The following ZMYM1 variants were observed in gnomAD, a reference collection of about 807,000 sequenced individuals.
ZMYM1 encodes zinc finger MYM-type protein 1.
A neutral mutation model predicts 60.0 loss-of-function variants in ZMYM1; 39 were observed. That is an observed-to-expected ratio of 0.65 (90% CI 0.50 to 0.85). The LOEUF is 0.85. ZMYM1 is among the 40% of genes least tolerant of loss of function. The pLI is 0.00. For missense variants in ZMYM1, 1,171 were observed against 1,309.5 expected (o/e 0.89, Z 1.63); for synonymous variants, 413 against 454.0 (o/e 0.91, Z 1.15).
At chr1:35,066,054 A>G (rs1641966638) in intron 1 of ZMYM1, among the ~76,000 whole-genome samples, 1 of 152,202 alleles carries the variant, frequency 6.6e-6, no homozygotes, top group Non-Finnish European at 1.5e-5. Context: ...ATTTTCTAAA[A>G]TAGAAATTTC....
At position 35,079,386 on chromosome 1, in the gene ZMYM1, G is replaced by T. The variant is rs1015350478; in HGVS notation, c.-131G>T. The stretch of plus-strand genomic sequence containing the variant: ...GGAGAGGGGCGGGGTCGGCGGGGCC[G>T]TTTCGCTTCGAAGATTGTTTCAGAA... On this transcript the variant is annotated 5_prime_UTR_variant, in exon 1 of 10. Coordinates refer to ENST00000359858, the MANE Select transcript of ZMYM1 (RefSeq NM_024772.5). 1.3e-5 allele frequency: 2 copies of T among 148,610 alleles called. No individual in the cohort carries two copies. Among genetic ancestry groups the T allele is most frequent in the African/African-American group, 5.0e-5 (2 of 40,026 alleles). 9.2% of individuals were successfully genotyped at this position (148,610 alleles called of 1,614,324 possible).
At chr1:35,116,365 GGAT>G (rs1644248734), downstream of ZMYM1, among the ~76,000 whole-genome samples, 2 of 152,110 alleles carry the variant, frequency 1.3e-5, no homozygotes, top group Non-Finnish European at 2.9e-5. Flanking sequence ...CATCTCAGCT[GGAT>G]GGCACAATAA....
chr1:35,076,612 C>T (rs185910687), upstream of ZMYM1, among the ~76,000 whole-genome samples: 7 of 149,974 alleles, frequency 4.7e-5, no homozygotes, highest in East Asian at 1.4e-3. Context: ...AAGAGCGAAG[C>T]TCCATCTCAA....
At chr1:35,090,252 C>T (rs535816217) in intron 1 of ZMYM1, among the ~76,000 whole-genome samples, 1 of 151,978 alleles carries the variant, frequency 6.6e-6, no homozygotes, top group Non-Finnish European at 1.5e-5. Context: ...GACTTGCACT[C>T]TGAAGCCAAG....
intron 4 of ZMYM1, among the ~76,000 whole-genome samples, chr1:35,099,441 T>G (rs937029102): frequency 4.6e-5 from 7 of 152,136 alleles, no homozygotes; most frequent in Admixed American, 6.5e-5. Flanking sequence ...CAGGAAAGAT[T>G]TAGTGTGTAA....
Position 35,111,855 on chromosome 1 carries a change from G to C in ZMYM1, c.1045G>C (p.Val349Leu). ...KDTTPVISNI[V>L]SLADTDVALP... ...TACGACTCCAGTTATAAGCAATATAGTGTCATTGGCAGACACCGATGTTGC... is the reference window on the plus strand; with the variant it reads ...TACGACTCCAGTTATAAGCAATATACTGTCATTGGCAGACACCGATGTTGC... The change falls in exon 8 of 10, where the codon GTG (valine) becomes CTG (leucine). Residue 349 changes from valine (V) to leucine (L), a missense_variant. Transcript: ENST00000359858. The C allele has an allele frequency of 1.2e-6, 2 of 1,608,692 alleles. No individual in the cohort carries two copies. The highest frequency in any genetic ancestry group is 1.7e-6 in the Non-Finnish European group (2 of 1,176,412).
chr1:35,093,891 TC>T lies in ZMYM1; in HGVS notation c.-74-22del. On this transcript the variant is annotated intron_variant, in intron 1 of 9. Transcript: ENST00000359858. ...AAAAGGACTAATTTTAAAATCAAAC[TC>T]TTTATCAATATTTTATTTTAGGAAT... is the stretch of plus-strand genomic sequence containing the variant. The T allele has an allele frequency of 4.8e-6, 4 of 838,520 alleles. No individual in the cohort carries two copies. The South Asian group carries it at 6.7e-5, about 14-fold the overall frequency. 51.9% of individuals were successfully genotyped at this position (838,520 alleles called of 1,614,324 possible). A position where few individuals can be genotyped will look rare whatever the true frequency, so the allele number is the denominator to read the frequency against.
At chr1:35,116,795 G>T (rs1570058926), downstream of ZMYM1, among the ~76,000 whole-genome samples, 1 of 137,738 alleles carries the variant, frequency 7.3e-6, no homozygotes, top group African/African-American at 2.6e-5. Context: ...GATATTCAAA[G>T]ATTTGAAAGA....
intron 1 of ZMYM1, among the ~76,000 whole-genome samples, chr1:35,081,033 T>G (rs1642361517): frequency 6.6e-6 from 1 of 151,914 alleles, no homozygotes; most frequent in Non-Finnish European, 1.5e-5. Flanking sequence ...AACCTCCACC[T>G]CCAGTTCAAG....
chr1:35,076,525 G>A (rs1252303184), upstream of ZMYM1, among the ~76,000 whole-genome samples: 2 of 151,962 alleles, frequency 1.3e-5, no homozygotes, highest in South Asian at 2.1e-4. Flanking sequence ...GGAGGCTGAG[G>A]CAGGATAATC....
Position 35,113,082 on chromosome 1 carries a change from G to A in ZMYM1, c.1252G>A (p.Gly418Ser). 1 of 1,613,980 alleles carries A rather than the reference G, an allele frequency of 6.2e-7. No homozygotes were observed. The highest frequency in any genetic ancestry group is 2.2e-5 in the East Asian group (1 of 44,860). ...ATCAGTATTCAGTCAGCATGCAATT[G>A]GTTCCAGTACAGAAGTACAAAAAGA... ...SSSVFSQHAI[G>S]SSTEVQKDNM... Residue 418 changes from glycine (G) to serine (S), a missense_variant, in exon 10 of 10, where the codon GGT (glycine) becomes AGT (serine). Transcript: ENST00000359858.
Position 35,115,436 on chromosome 1 carries a change from G to A in ZMYM1, c.*177G>A. ...TCTTTTCCTTAAATATCCCTCTAGAGGTATTTTTCCTAAGTGGTATTGTAC... is the reference window on the plus strand; with the variant it reads ...TCTTTTCCTTAAATATCCCTCTAGAAGTATTTTTCCTAAGTGGTATTGTAC... On this transcript the variant is annotated 3_prime_UTR_variant, in exon 10 of 10. Transcript: ENST00000359858. 5 of 672,890 alleles carry A rather than the reference G, an allele frequency of 7.4e-6. No homozygotes were observed. Among genetic ancestry groups the A allele is most frequent in the Non-Finnish European group, 1.2e-5 (5 of 431,510 alleles). 41.7% of individuals were successfully genotyped at this position (672,890 alleles called of 1,614,324 possible). A position where few individuals can be genotyped will look rare whatever the true frequency, so the allele number is the denominator to read the frequency against.
Position 35,114,566 on chromosome 1 carries a change from C to G in ZMYM1, c.2736C>G (p.Ile912Met). 1 of 1,610,614 alleles carries G rather than the reference C, an allele frequency of 6.2e-7. No individual in the cohort carries two copies. Among genetic ancestry groups the G allele is most frequent in the Non-Finnish European group, 8.5e-7 (1 of 1,178,626 alleles). ...GAAATGACGTATACTTTAAAACAAT[C>G]TGGGATGGAACAGAGGAAATATGTC... ...SERNDVYFKT[I>M]WDGTEEICQK... Residue 912 changes from isoleucine (I) to methionine (M), a missense_variant, in exon 10 of 10, where the codon ATC (isoleucine) becomes ATG (methionine). By Grantham distance (10) the Ile-to-Met change is conservative. Coordinates refer to ENST00000359858, the MANE Select transcript of ZMYM1 (RefSeq NM_024772.5).
intron 1 of ZMYM1, among the ~76,000 whole-genome samples, chr1:35,073,461 G>A (rs1642110032): frequency 1.3e-5 from 2 of 151,568 alleles, no homozygotes; most frequent in African/African-American, 4.9e-5. Context: ...TACTCAGGAG[G>A]CTGAGGCAAG....
chr1:35,087,407 A>G (rs1642715901), intron 1 of ZMYM1, among the ~76,000 whole-genome samples: 1 of 148,210 alleles, frequency 6.7e-6, no homozygotes, highest in Non-Finnish European at 1.5e-5. Flanking sequence ...TGTATCTGGA[A>G]ATAACTCTTG....
At chr1:35,086,306 TTTTA>T (rs1445268079) in intron 1 of ZMYM1, among the ~76,000 whole-genome samples, 1 of 152,178 alleles carries the variant, frequency 6.6e-6, no homozygotes, top group Non-Finnish European at 1.5e-5. Flanking sequence ...TATTAGTTTA[TTTTA>T]TTTATTTATT....
chr1:35,103,491 T>G (rs1643762504), intron 4 of ZMYM1, among the ~76,000 whole-genome samples: 1 of 152,270 alleles, frequency 6.6e-6, no homozygotes, highest in South Asian at 2.1e-4. Context: ...TTATTCTTTT[T>G]GTTAATAGGC....
At chr1:35,078,363 A>T (rs1178634005), upstream of ZMYM1, among the ~76,000 whole-genome samples, 1 of 152,050 alleles carries the variant, frequency 6.6e-6, no homozygotes, top group Non-Finnish European at 1.5e-5. Context: ...AGTAATTGTC[A>T]AATATGATTA....
intron 1 of ZMYM1, among the ~76,000 whole-genome samples, chr1:35,086,521 T>G (rs895674208): frequency 2.0e-5 from 3 of 152,116 alleles, no homozygotes; most frequent in African/African-American, 7.2e-5. Context: ...CAATCAAGAT[T>G]GTAACTTAAT....
Sources: allele counts gnomAD v4.1 joint callset (sites outside exome capture counted in the v4.1 genomes callset), GRCh38; gene constraint gnomAD v4.1.1; transcripts MANE v1.5; gene names NCBI Gene and HGNC (gene_info 2026-07-23, HGNC 2026-07-21).